CLUH: variants seen among roughly 807,000 people sequenced by gnomAD.
CLUH encodes the protein clustered mitochondria protein homolog.
CLUH carries 77 observed loss-of-function variants against 139.3 expected under a neutral mutation model. The ratio of observed to expected loss-of-function variants is 0.55; its 90% CI spans 0.46 to 0.67. The LOEUF is 0.67. CLUH is among the 30% of genes least tolerant of loss of function. The pLI is 0.00. For synonymous variants in CLUH, 999 were observed against 801.6 expected (o/e 1.25, Z -4.16); for missense variants, 1,876 against 1,875.8 (o/e 1.00, Z 0.00).
intron 3 of CLUH, among the ~76,000 whole-genome samples, chr17:2,702,992 CTT>C (rs546329838): frequency 4.1e-4 from 62 of 152,200 alleles, no homozygotes; most frequent in African/African-American, 1.1e-3. Flanking sequence ...GCGCAGCTAA[CTT>C]TTTGTATTTT....
intron 25 of CLUH, among the ~76,000 whole-genome samples, chr17:2,691,008 C>T (rs1428006410): frequency 2.6e-5 from 4 of 152,106 alleles, no homozygotes; most frequent in Non-Finnish European, 5.9e-5. Flanking sequence ...TGGCCTCCCT[C>T]CAGCGCAGGG....
intron 10 of CLUH, among the ~76,000 whole-genome samples, chr17:2,697,176 T>C (rs944723956): frequency 1.3e-5 from 2 of 151,974 alleles, no homozygotes; most frequent in African/African-American, 2.4e-5. Context: ...GGCAGGCAGA[T>C]CACTTGAGGT....
chr17:2,709,482 A>G (rs1373459801), intron 1 of CLUH, among the ~76,000 whole-genome samples: 3 of 151,974 alleles, frequency 2.0e-5, no homozygotes, highest in African/African-American at 4.8e-5. Context: ...CGGAGCTCCC[A>G]TAAGCCCCTA....
chr17:2,703,265 C>G lies in CLUH; in HGVS notation c.475+53G>C. 1.3e-6 allele frequency: 2 copies of G among 1,548,920 alleles called. No homozygotes were observed. The highest frequency in any genetic ancestry group is 1.2e-5 in the South Asian group (1 of 84,216). ...ACCCTGGCATGGATGGTGCTGCCTG[C>G]CTCTGCCTCCGTGGGCCCTCCCCCG... On this transcript the variant is annotated intron_variant, in intron 3 of 25. Transcript: ENST00000651024. This position sits in a 1 kb window ranked among gnomAD's most constrained non-coding sequence, Gnocchi z 4.2.
In CLUH at chr17:2,707,321, C is replaced by T. The variant is rs887251849; in HGVS notation, c.101-2757G>A. 1.0e-5 allele frequency: 10 copies of T among 985,304 alleles called. No homozygotes were observed. Among genetic ancestry groups the T allele is most frequent in the African/African-American group, 1.7e-5 (1 of 57,228 alleles). The allele number at this position is 985,304 out of a possible 1,614,324, so 61.0% of individuals were successfully genotyped here. A position where few individuals can be genotyped will look rare whatever the true frequency, so the allele number is the denominator to read the frequency against. On this transcript the variant is annotated intron_variant, in intron 1 of 25. Coordinates refer to ENST00000651024, the MANE Select transcript of CLUH (RefSeq NM_001366661.1). This position sits in a 1 kb window ranked among gnomAD's most constrained non-coding sequence, Gnocchi z 7.4. Reference sequence around the variant, plus strand: ...CTACCCTTGCCCTAATGCAGCCAGTCGGCCCGGGGCTGGAGCTCCGGCTGG... The same window carrying T: ...CTACCCTTGCCCTAATGCAGCCAGTTGGCCCGGGGCTGGAGCTCCGGCTGG...
Position 2,692,407 on chromosome 17 carries a change from C to T in CLUH, c.3514G>A (p.Val1172Ile). The change falls in exon 22 of 26, where the codon GTC (valine) becomes ATC (isoleucine). Residue 1172 changes from valine (V) to isoleucine (I), a missense_variant. Around this residue, in one of 3 missense-constraint regions of CLUH, gnomAD observed 1,454 missense variants for 1,384.4 expected, o/e 1.05. Transcript: ENST00000651024. The part of the protein sequence containing the change: ...SLRFLENALA[V>I]STKYHGPKAL... ...TTGGGCCCGTGGTACTTGGTGCTGA[C>T]GGCCAGCGCGTTCTCCAGGAAGCGC... 1.3e-6 allele frequency: 2 copies of T among 1,597,648 alleles called. No individual in the cohort carries two copies. Among genetic ancestry groups the T allele is most frequent in the Middle Eastern group, 1.7e-4 (1 of 6,016 alleles).
intron 3 of CLUH, 111 bp from the exon 4 acceptor site, chr17:2,702,168 C>T (rs1428258906): frequency 1.5e-6 from 2 of 1,344,344 alleles, no homozygotes; most frequent in Admixed American, 2.6e-5. Flanking sequence ...TAATTTTCAA[C>T]TTTAGGTTTC....
rs775001603 is a variant in CLUH, at chr17:2,695,447, T to C, written c.2471A>G (p.Asn824Ser). The change falls in exon 14 of 26, where the codon AAC becomes AGC. Residue 824 changes from asparagine (N) to serine (S), a missense_variant. Coordinates refer to ENST00000651024, the MANE Select transcript of CLUH (RefSeq NM_001366661.1). ...CAGCACCTTGCCCAGGTAGCGCATG[T>C]TGATGCCCCGCTGGCGCATCACCTC... ...LAEVMRQRGINMRYLGKVLEL... is the reference protein window; with the variant it reads ...LAEVMRQRGISMRYLGKVLEL... 6.2e-7 allele frequency: 1 copy of C among 1,612,188 alleles called. No homozygotes were observed. The highest frequency in any genetic ancestry group is 2.2e-5 in the East Asian group (1 of 44,874).
chr17:2,697,025 G>C lies in CLUH; in HGVS notation c.1962-83C>G, dbSNP rs538199485. The C allele has an allele frequency of 2.1e-4, 227 of 1,094,968 alleles. 1 individual carries two copies. The highest frequency in any genetic ancestry group is 2.2e-5 in the Non-Finnish European group (17 of 773,664). The allele number at this position is 1,094,968 out of a possible 1,614,324, so 67.8% of individuals were successfully genotyped here. A position where few individuals can be genotyped will look rare whatever the true frequency, so the allele number is the denominator to read the frequency against. On this transcript the variant is annotated intron_variant, in intron 10 of 25. Transcript: ENST00000651024. Reference sequence around the variant, plus strand: ...TGGCCCACGGCTCCCGGCAGCTGGGGCTCCACACCCCGCAGGCATAGGGCA... The same window carrying C: ...TGGCCCACGGCTCCCGGCAGCTGGGCCTCCACACCCCGCAGGCATAGGGCA...
rs537179847 is a variant in CLUH at position 2,695,530 on chromosome 17, C to T, written c.2392-4G>A. The T allele has an allele frequency of 4.9e-5, 78 of 1,592,506 alleles. No homozygotes were observed. The highest frequency in any genetic ancestry group is 3.4e-4 in the Middle Eastern group (2 of 5,966). On this transcript the variant is annotated splice_polypyrimidine_tract_variant and splice_region_variant and intron_variant, in intron 13 of 25. Transcript: ENST00000651024. ...CGTGCTCCATGCAGTCCTTCACCTG[C>T]GGGCTGCAGCAGCTCAGGCCCCCAC...
chr17:2,695,580 T>G lies in CLUH; in HGVS notation c.2392-54A>C, dbSNP rs1014398817. The stretch of plus-strand genomic sequence containing the variant: ...CCCAGCTCCTCTGCCTCCACCCAAC[T>G]GAGTCCTTCTGGGGGAGCACAGCTA... On this transcript the variant is annotated intron_variant, in intron 13 of 25. Coordinates refer to ENST00000651024, the MANE Select transcript of CLUH (RefSeq NM_001366661.1). The G allele has an allele frequency of 4.6e-6, 7 of 1,512,508 alleles. No individual in the cohort carries two copies. In the African/African-American group the frequency reaches 9.6e-5, roughly 21 times the overall value. 93.7% of individuals were successfully genotyped at this position (1,512,508 alleles called of 1,614,324 possible).
intron 1 of CLUH, among the ~76,000 whole-genome samples, chr17:2,710,837 T>C (rs2151729147): frequency 6.6e-6 from 1 of 152,318 alleles, no homozygotes. Flanking sequence ...GACCCACTTT[T>C]CGCAATAAGG....
rs1472575507 is a variant in CLUH at position 2,691,872 on chromosome 17, G to C, written c.3678C>G (p.Thr1226=). ...ACTTGAGGTACTCGGAGCTTTCCTT[G>C]GTCTTCTCATGGTCCTCGCCCAGCT... ...KTQLGEDHEK[T]KESSEYLKCL... The change falls in exon 24 of 26, where the codon ACC becomes ACG. Residue 1226 remains threonine, a synonymous_variant. Coordinates refer to ENST00000651024, the MANE Select transcript of CLUH (RefSeq NM_001366661.1). 2 of 1,543,936 alleles carry C rather than the reference G, an allele frequency of 1.3e-6. No homozygotes were observed. Among genetic ancestry groups the C allele is most frequent in the Admixed American group, 2.0e-5 (1 of 50,946 alleles).
chr17:2,694,821 A>AAACCCCCCCCCCCCCCCC, intron 16 of CLUH, 36 bp downstream of exon 16: 1 of 1,446,330 alleles, frequency 6.9e-7, no homozygotes, highest in Non-Finnish European at 9.2e-7. Context: ...CATCTGCCCA[A>AAACCCCCCCCCCCCCCCC]TCCCACCCAC....
chr17:2,695,516 C>T lies in CLUH; in HGVS notation c.2402G>A (p.Cys801Tyr), dbSNP rs2069904938. The change falls in exon 14 of 26, where the codon TGC (cysteine) becomes TAC (tyrosine). Residue 801 changes from cysteine (C) to tyrosine (Y), a missense_variant. By Grantham distance (194) the Cys-to-Tyr change is radical. This residue lies in a region of CLUH where 1,454 missense variants were observed against 1,384.4 expected (regional missense o/e 1.05). Transcript: ENST00000651024. The part of the protein sequence containing the change: ...SCQIPGLVKD[C>Y]MEHAVLPVDG... ...CACGGGCAGGACCGCGTGCTCCATG[C>T]AGTCCTTCACCTGCGGGCTGCAGCA... 1.2e-6 allele frequency: 2 copies of T among 1,601,940 alleles called. No homozygotes were observed. Among genetic ancestry groups the T allele is most frequent in the Admixed American group, 1.7e-5 (1 of 59,634 alleles).
At position 2,706,021 on chromosome 17, in the gene CLUH, G is replaced by A. The variant is rs1330591734; in HGVS notation, c.101-1457C>T. Among the ~76,000 whole-genome samples the A allele has an allele frequency of 6.6e-6, 1 of 152,172 alleles. No individual in the cohort carries two copies. The highest frequency in any genetic ancestry group is 1.5e-5 in the Non-Finnish European group (1 of 68,036). On this transcript the variant is annotated intron_variant, in intron 1 of 25. Transcript: ENST00000651024. This position sits in a 1 kb window ranked among gnomAD's most constrained non-coding sequence, Gnocchi z 4.6. The stretch of plus-strand genomic sequence containing the variant: ...GCTCACCTGCCTGGCTTGGCTTGAA[G>A]TTCAACGGTCCCAACTCTGAGGAGT...
At chr17:2,695,908 C>T (rs2069922276) in intron 13 of CLUH, 2 of 585,966 alleles carry the variant, frequency 3.4e-6, no homozygotes, top group Admixed American at 6.3e-5. Flanking sequence ...GCCCCGTCCC[C>T]CAGCCATGCC....
At chr17:2,702,494 A>G (rs1402515757) in intron 3 of CLUH, among the ~76,000 whole-genome samples, 7 of 152,056 alleles carry the variant, frequency 4.6e-5, no homozygotes, top group African/African-American at 1.7e-4. Flanking sequence ...CACTGCCCCT[A>G]TGTGGTTTCA....
At chr17:2,692,519 G>A (rs766172396) in intron 21 of CLUH, 37 bp from the exon 22 acceptor site, 8 of 1,597,950 alleles carry the variant, frequency 5.0e-6, no homozygotes, top group East Asian at 2.2e-5. Flanking sequence ...GTCAGCTCCC[G>A]GTCCCCTGGG....
Sources: gnomAD v4.1 joint callset for allele counts (sites outside exome capture counted in the v4.1 genomes callset) on GRCh38, gnomAD v4.1.1 for gene constraint, gnomAD v4.1.1 regional missense constraint, Gnocchi (gnomAD v3.1) non-coding constraint, MANE v1.5 for transcripts, NCBI Gene and HGNC (gene_info 2026-07-23, HGNC 2026-07-21) for gene names.